Variants in ARHGEF10L observed in about 807,000 individuals in gnomAD.
The protein encoded by ARHGEF10L is rho guanine nucleotide exchange factor 10-like protein.
In ARHGEF10L, 69 loss-of-function variants were observed where a neutral mutation model predicts 141.2. The observed-to-expected ratio is 0.49, with a 90% CI of 0.40 to 0.60. The LOEUF (loss-of-function observed/expected upper bound fraction) is 0.60. Among genes scored for constraint, ARHGEF10L ranks in the 20% least tolerant of loss-of-function variants. The pLI, the probability that ARHGEF10L is intolerant of heterozygous loss-of-function variation, is 0.00. For synonymous variants in ARHGEF10L, 711 were observed against 718.5 expected, an observed-to-expected ratio of 0.99 and a Z score of 0.17; for missense variants, 1,482 against 1,734.3, an observed-to-expected ratio of 0.85 and a Z score of 2.58.
chr1:17,639,106 A>C lies in ARHGEF10L; in HGVS notation c.2171+417A>C, dbSNP rs1340125780. ...AGAATGCCCACCACAGGAGCTGTGC[A>C]CAGTAGACCCCAACTGAGGTTTGTG... On this transcript the variant is annotated intron_variant, in intron 20 of 28. Transcript: ENST00000361221. This position sits in a 1 kb window ranked among gnomAD's most constrained non-coding sequence, Gnocchi z 4.3. Among the ~76,000 whole-genome samples, 1 of 152,188 alleles carries C rather than the reference A, an allele frequency of 6.6e-6. No individual in the cohort carries two copies. The highest frequency in any genetic ancestry group is 1.9e-4 in the East Asian group (1 of 5,196).
At chr1:17,525,057 C>T in the ARHGEF10L span, among the ~76,000 whole-genome samples, 88 of 152,244 alleles carry the variant, frequency 5.8e-4, no homozygotes, top group South Asian at 1.5e-3. Context: ...TCAAGGGGAA[C>T]CAAGAAAACA....
At chr1:17,648,143 A>G (rs1014073898) in intron 21 of ARHGEF10L, among the ~76,000 whole-genome samples, 1 of 152,232 alleles carries the variant, frequency 6.6e-6, no homozygotes, top group Non-Finnish European at 1.5e-5. Flanking sequence ...AATTCAAGGC[A>G]ACAGGGGTCT....
At chr1:17,669,945 G>A (rs1252423706) in intron 26 of ARHGEF10L, among the ~76,000 whole-genome samples, 2 of 152,384 alleles carry the variant, frequency 1.3e-5, no homozygotes, top group Non-Finnish European at 2.9e-5. Flanking sequence ...CAGAGGAGGC[G>A]AGAGGGGTGC....
chr1:17,612,570 C>T (rs1355475267), intron 7 of ARHGEF10L, among the ~76,000 whole-genome samples: 1 of 152,210 alleles, frequency 6.6e-6, no homozygotes, highest in Non-Finnish European at 1.5e-5. Context: ...CCCTTCCATT[C>T]ATCTTTCTGT....
chr1:17,659,897 C>T (rs952867798), intron 25 of ARHGEF10L, among the ~76,000 whole-genome samples: 4 of 152,194 alleles, frequency 2.6e-5, no homozygotes, highest in Non-Finnish European at 5.9e-5. Context: ...CCAGGGTGAC[C>T]AGGCCACGTG....
chr1:17,635,113 C>T, intron 18 of ARHGEF10L, 97 bp downstream of exon 18: 2 of 1,467,880 alleles, frequency 1.4e-6, no homozygotes, highest in Non-Finnish European at 1.9e-6. Flanking sequence ...GTCTTGGGGA[C>T]CCCTACATAG....
At chr1:17,691,986 T>C (rs2065142205) in intron 27 of ARHGEF10L, among the ~76,000 whole-genome samples, 2 of 152,064 alleles carry the variant, frequency 1.3e-5, no homozygotes, top group South Asian at 4.1e-4. Flanking sequence ...AGTAAACAAA[T>C]AGCAAAATAA....
chr1:17,640,108 G>C, intron 20 of ARHGEF10L, 94 bp from the exon 21 acceptor site: 11 of 1,510,266 alleles, frequency 7.3e-6, no homozygotes, highest in Non-Finnish European at 8.9e-6. Flanking sequence ...TGATCTCCAG[G>C]GCGCGTGGGT....
the ARHGEF10L span, among the ~76,000 whole-genome samples, chr1:17,521,430 A>T: frequency 6.6e-6 from 1 of 152,188 alleles, no homozygotes; most frequent in Non-Finnish European, 1.5e-5. Flanking sequence ...TCCCGACCTC[A>T]GTTGATCTGC....
intron 21 of ARHGEF10L, among the ~76,000 whole-genome samples, chr1:17,643,773 A>G (rs902763669): frequency 2.6e-5 from 4 of 152,308 alleles, no homozygotes; most frequent in Admixed American, 6.5e-5. Flanking sequence ...CCCTTGGCAC[A>G]TAGGAGCTGT....
chr1:17,609,254 G>A (rs928790572), intron 7 of ARHGEF10L, among the ~76,000 whole-genome samples: 1 of 152,226 alleles, frequency 6.6e-6, no homozygotes, highest in African/African-American at 2.4e-5. Context: ...CCACACCTGA[G>A]TCCTCAGGCA....
Position 17,625,948 on chromosome 1 carries a change from T to C in ARHGEF10L, c.1318-8T>C. 6.2e-7 allele frequency: 1 copy of C among 1,613,236 alleles called. No homozygotes were observed. On this transcript the variant is annotated splice_region_variant and splice_polypyrimidine_tract_variant and intron_variant, in intron 13 of 28. Transcript: ENST00000361221. This position sits in a 1 kb window ranked among gnomAD's most constrained non-coding sequence, Gnocchi z 4.5. ...GGTCAGCGAATGACGGAACCTTGTCTCCACCAGCGACGGCAGGTGTGCAGC... is the reference window on the plus strand; with the variant it reads ...GGTCAGCGAATGACGGAACCTTGTCCCCACCAGCGACGGCAGGTGTGCAGC...
chr1:17,573,902 C>T lies in ARHGEF10L; in HGVS notation c.-43-6651C>T, dbSNP rs950050125. 6.6e-6 allele frequency among the ~76,000 whole-genome samples: 1 copy of T among 152,154 alleles called. No individual in the cohort carries two copies. Among genetic ancestry groups the T allele is most frequent in the African/African-American group, 2.4e-5 (1 of 41,446 alleles). ...CATTGTCTGAGGCTCCAGCCATTGA[C>T]CAAACTTGGCCCCTGCCCCAGTGAG... On this transcript the variant is annotated intron_variant, in intron 1 of 28. Coordinates refer to ENST00000361221, the MANE Select transcript of ARHGEF10L (RefSeq NM_018125.4). This position sits in a 1 kb window ranked among gnomAD's most constrained non-coding sequence, Gnocchi z 4.8.
In ARHGEF10L at chr1:17,644,438, G is replaced by A. The variant is rs1356274048; in HGVS notation, c.2273-4116G>A. Among the ~76,000 whole-genome samples, 3 of 152,224 alleles carry A rather than the reference G, an allele frequency of 2.0e-5. No individual in the cohort carries two copies. Among genetic ancestry groups the A allele is most frequent in the Admixed American group, 6.5e-5 (1 of 15,292 alleles). ...GGGTCTCCTCTCCAGGAGTAGGGCCGAGGGCGTGGCCTTGGAGTCCGACCC... is the reference window on the plus strand; with the variant it reads ...GGGTCTCCTCTCCAGGAGTAGGGCCAAGGGCGTGGCCTTGGAGTCCGACCC... On this transcript the variant is annotated intron_variant, in intron 21 of 28. Coordinates refer to ENST00000361221, the MANE Select transcript of ARHGEF10L (RefSeq NM_018125.4). This position sits in a 1 kb window ranked among gnomAD's most constrained non-coding sequence, Gnocchi z 4.5.
Position 17,656,386 on chromosome 1 carries a change from T to C in ARHGEF10L, c.2706-168T>C, listed in dbSNP as rs1246746388. On this transcript the variant is annotated intron_variant, in intron 24 of 28. Transcript: ENST00000361221. The surrounding 1 kb of genome is among the most constrained non-coding windows in gnomAD (Gnocchi z 4.9). ...GGGAGGGTACCGTCCCAGAAAACCA[T>C]GGAAAAGTGAGCTCCCGCATGGTGG... Among the ~76,000 whole-genome samples, 4 of 151,980 alleles carry C rather than the reference T, an allele frequency of 2.6e-5. No individual in the cohort carries two copies. The highest frequency in any genetic ancestry group is 9.7e-5 in the African/African-American group (4 of 41,366).
At chr1:17,626,928 A>G (rs1035384722) in intron 14 of ARHGEF10L, among the ~76,000 whole-genome samples, 4 of 152,210 alleles carry the variant, frequency 2.6e-5, no homozygotes, top group African/African-American at 9.6e-5. Flanking sequence ...GTGTCCTAGC[A>G]TGTGTCTGAA....
At chr1:17,556,109 G>C in intron 1 of ARHGEF10L, among the ~76,000 whole-genome samples, 1 of 91,590 alleles carries the variant, frequency 1.1e-5, no homozygotes, top group African/African-American at 4.3e-5. Flanking sequence ...GAGCCTGGGA[G>C]CATGGGGGGG....
At chr1:17,553,761 C>T (rs942634715) in intron 1 of ARHGEF10L, among the ~76,000 whole-genome samples, 1 of 152,154 alleles carries the variant, frequency 6.6e-6, no homozygotes, top group African/African-American at 2.4e-5. Flanking sequence ...TGCACTCCAG[C>T]CTGGGCAGCA....
chr1:17,675,206 G>C (rs7550078), intron 26 of ARHGEF10L, among the ~76,000 whole-genome samples: 1 of 152,102 alleles, frequency 6.6e-6, no homozygotes, highest in Non-Finnish European at 1.5e-5. Context: ...AGCAGTCTTG[G>C]ATGTGGATTT....
Sources: gnomAD v4.1 joint callset for allele counts (sites outside exome capture counted in the v4.1 genomes callset) on GRCh38, gnomAD v4.1.1 for gene constraint, Gnocchi (gnomAD v3.1) non-coding constraint, MANE v1.5 for transcripts, NCBI Gene and HGNC (gene_info 2026-07-23, HGNC 2026-07-21) for gene names.